Variants in CNNM4 observed in about 807,000 individuals in gnomAD.
CNNM4 encodes the protein cyclin and CBS domain divalent metal cation transport mediator 4.
Under a neutral mutation model 53.7 loss-of-function variants are expected in CNNM4, and 32 were observed. That is an observed-to-expected ratio of 0.60 (90% confidence interval 0.45 to 0.80). The LOEUF (loss-of-function observed/expected upper bound fraction) is 0.80. CNNM4 is among the 30% of genes least tolerant of loss of function. CNNM4 has a pLI of 0.00. For synonymous variants in CNNM4, 410 were observed against 440.0 expected (o/e 0.93, Z 0.85); for missense variants, 784 against 1,022.0 (o/e 0.77, Z 3.17).
chr2:96,786,274 A>G (rs2079015547), intron 1 of CNNM4, among the ~76,000 whole-genome samples: 1 of 151,254 alleles, frequency 6.6e-6, no homozygotes, highest in African/African-American at 2.4e-5. Flanking sequence ...AAAATTAGCC[A>G]GGAATGGTGG....
intron 1 of CNNM4, among the ~76,000 whole-genome samples, chr2:96,771,617 G>A (rs1467833446): frequency 6.6e-6 from 1 of 151,958 alleles, no homozygotes; most frequent in African/African-American, 2.4e-5. Context: ...GGGAGGCTGA[G>A]GCAGGAGAAT....
intron 1 of CNNM4, among the ~76,000 whole-genome samples, chr2:96,786,363 A>G (rs62152777): frequency 0.086 from 13,044 of 151,472 alleles, 627 homozygotes; most frequent in Middle Eastern, 0.16. Context: ...GCAGTGAGCC[A>G]AGATCGTGCT....
intron 1 of CNNM4, among the ~76,000 whole-genome samples, chr2:96,777,590 T>A (rs1260101964): frequency 6.6e-6 from 1 of 152,144 alleles, no homozygotes; most frequent in African/African-American, 2.4e-5. Context: ...AACCTCCACC[T>A]CCTGGGTTCA....
intron 1 of CNNM4, among the ~76,000 whole-genome samples, chr2:96,795,138 C>T (rs1201620124): frequency 6.6e-6 from 1 of 152,256 alleles, no homozygotes; most frequent in Non-Finnish European, 1.5e-5. Context: ...TCAAAGCTGC[C>T]TTGCTTTAAT....
chr2:96,764,679 T>A (rs555788540), intron 1 of CNNM4, among the ~76,000 whole-genome samples: 1 of 152,142 alleles, frequency 6.6e-6, no homozygotes, highest in Non-Finnish European at 1.5e-5. Context: ...ACACACCTAG[T>A]GTACATCTGC....
At position 96,761,584 on chromosome 2, in the gene CNNM4, G is replaced by C; in HGVS notation, c.585G>C (p.Leu195=). ...HILLITVLLV[L]SGIFSGLNLG... ...TCCTAATTACGGTGCTGCTGGTGCT[G>C]TCGGGCATATTTTCTGGCCTCAACC... Residue 195 remains leucine, a synonymous_variant, in exon 1 of 7, where the codon CTG becomes CTC. Transcript: ENST00000377075. The surrounding 1 kb of genome is among the most constrained non-coding windows in gnomAD (Gnocchi z 6.0). 1 of 1,614,170 alleles carries C rather than the reference G, an allele frequency of 6.2e-7. No individual in the cohort carries two copies. Among genetic ancestry groups the C allele is most frequent in the South Asian group, 1.1e-5 (1 of 91,080 alleles).
In CNNM4 at chr2:96,783,449, G is replaced by A. The variant is rs147795380; in HGVS notation, c.1403-13563G>A. Among the ~76,000 whole-genome samples, 414 of 152,296 alleles carry A rather than the reference G, an allele frequency of 2.7e-3. 2 individuals carry two copies. The highest frequency in any genetic ancestry group is 4.4e-3 in the Non-Finnish European group (302 of 68,010). On this transcript the variant is annotated intron_variant, in intron 1 of 6. Transcript: ENST00000377075. The stretch of plus-strand genomic sequence containing the variant: ...AGAGATCCTGCTCCCAGGGACCAGC[G>A]TCTGGGTGGGACACAGTTCACTCCT...
chr2:96,796,992 CTTGCTGCA>C lies in CNNM4; in HGVS notation c.1403-16_1403-9del, dbSNP rs1347471161. Reference sequence around the variant, plus strand: ...GACTGGCCTCTGGGCTCTTGTCTGACTTGCTGCATTGTCCCACAGGGAAGTCCCACCTG... The same window carrying C: ...GACTGGCCTCTGGGCTCTTGTCTGACTTGTCCCACAGGGAAGTCCCACCTG... On this transcript the variant is annotated splice_polypyrimidine_tract_variant and intron_variant, in intron 1 of 6. Transcript: ENST00000377075. 1 of 1,611,872 alleles carries C rather than the reference CTTGCTGCA, an allele frequency of 6.2e-7. No individual in the cohort carries two copies. The highest frequency in any genetic ancestry group is 1.3e-5 in the African/African-American group (1 of 74,842).
chr2:96,796,995 G>C lies in CNNM4; in HGVS notation c.1403-17G>C. ...TGGCCTCTGGGCTCTTGTCTGACTT[G>C]CTGCATTGTCCCACAGGGAAGTCCC... is the stretch of plus-strand genomic sequence containing the variant. On this transcript the variant is annotated splice_polypyrimidine_tract_variant and intron_variant, in intron 1 of 6. Transcript: ENST00000377075. 1 of 1,612,102 alleles carries C rather than the reference G, an allele frequency of 6.2e-7. No individual in the cohort carries two copies. The highest frequency in any genetic ancestry group is 1.1e-5 in the South Asian group (1 of 90,928).
chr2:96,809,604 G>C lies in CNNM4; in HGVS notation c.*87G>C. 1 of 1,157,888 alleles carries C rather than the reference G, an allele frequency of 8.6e-7. No homozygotes were observed. Among genetic ancestry groups the C allele is most frequent in the Non-Finnish European group, 1.3e-6 (1 of 787,772 alleles). 71.7% of individuals were successfully genotyped at this position (1,157,888 alleles called of 1,614,324 possible). A position where few individuals can be genotyped will look rare whatever the true frequency, so the allele number is the denominator to read the frequency against. On this transcript the variant is annotated 3_prime_UTR_variant, in exon 7 of 7. Coordinates refer to ENST00000377075, the MANE Select transcript of CNNM4 (RefSeq NM_020184.4). ...AGAGGGAACCTGTTAGTCCAGAAAG[G>C]ATACGGATAGATAGCCTGTCTGACT...
rs755344155 is a variant in CNNM4 at position 96,761,948 on chromosome 2, A to T, written c.949A>T (p.Ser317Cys). 3.7e-6 allele frequency: 6 copies of T among 1,614,058 alleles called. No homozygotes were observed. The highest frequency in any genetic ancestry group is 5.1e-6 in the Non-Finnish European group (6 of 1,180,014). The change falls in exon 1 of 7, where the codon AGT (serine) becomes TGT (cysteine). Residue 317 changes from serine to cysteine, a missense_variant. Around this residue, in one of 3 missense-constraint regions of CNNM4, gnomAD observed 473 missense variants for 624.6 expected, o/e 0.76. Coordinates refer to ENST00000377075, the MANE Select transcript of CNNM4 (RefSeq NM_020184.4). The surrounding 1 kb of genome is among the most constrained non-coding windows in gnomAD (Gnocchi z 6.0). ...KFFMLLTFPL[S>C]FPISKLLDFF... Reference sequence around the variant, plus strand: ...CTTTATGCTACTCACCTTCCCCCTCAGTTTTCCCATTAGCAAGCTCCTGGA... The same window carrying T: ...CTTTATGCTACTCACCTTCCCCCTCTGTTTTCCCATTAGCAAGCTCCTGGA...
intron 1 of CNNM4, among the ~76,000 whole-genome samples, chr2:96,765,797 C>CTTT (rs749321221): frequency 8.0e-6 from 1 of 125,392 alleles, no homozygotes. Context: ...TTCTTTCTTT[C>CTTT]TTTTTTTTTT....
intron 1 of CNNM4, among the ~76,000 whole-genome samples, chr2:96,764,965 C>T (rs531211769): frequency 8.0e-5 from 10 of 124,416 alleles, no homozygotes; most frequent in South Asian, 5.8e-4. Flanking sequence ...CCAGCTTGGG[C>T]GACTGAGCAA....
At chr2:96,781,706 A>G (rs1389265149) in intron 1 of CNNM4, among the ~76,000 whole-genome samples, 1 of 152,170 alleles carries the variant, frequency 6.6e-6, no homozygotes, top group Non-Finnish European at 1.5e-5. Context: ...GATTTAAGTC[A>G]TTCACCACAG....
chr2:96,786,665 G>T lies in CNNM4; in HGVS notation c.1403-10347G>T, dbSNP rs1261591361. On this transcript the variant is annotated intron_variant, in intron 1 of 6. Coordinates refer to ENST00000377075, the MANE Select transcript of CNNM4 (RefSeq NM_020184.4). The stretch of plus-strand genomic sequence containing the variant: ...GTGGTGGCAGGCACCTGTAATCCCA[G>T]CTATTTGGGAGGCCGAGGCATGAGA... Among the ~76,000 whole-genome samples, 4 of 150,794 alleles carry T rather than the reference G, an allele frequency of 2.7e-5. No homozygotes were observed. In the Middle Eastern group the frequency reaches 0.014, roughly 513 times the overall value.
At chr2:96,769,845 A>G (rs1362763195) in intron 1 of CNNM4, among the ~76,000 whole-genome samples, 2 of 152,202 alleles carry the variant, frequency 1.3e-5, no homozygotes, top group Non-Finnish European at 2.9e-5. Flanking sequence ...TAATAGCCTC[A>G]ATATGGTGAT....
chr2:96,796,482 C>T (rs2079105410), intron 1 of CNNM4, among the ~76,000 whole-genome samples: 1 of 152,114 alleles, frequency 6.6e-6, no homozygotes, highest in South Asian at 2.1e-4. Context: ...GTAGTCCTGG[C>T]CTGGCGTGGT....
rs2079181304 is a variant in CNNM4 at position 96,804,137 on chromosome 2, C to A, written c.1949-4424C>A. On this transcript the variant is annotated intron_variant, in intron 5 of 6. Coordinates refer to ENST00000377075, the MANE Select transcript of CNNM4 (RefSeq NM_020184.4). Reference sequence around the variant, plus strand: ...AGGCTGGTCTCAAACTCCTAGACTTCCCCCACCTCAGCCTCTCAAAGCACT... The same window carrying A: ...AGGCTGGTCTCAAACTCCTAGACTTACCCCACCTCAGCCTCTCAAAGCACT... Among the ~76,000 whole-genome samples the A allele has an allele frequency of 2.6e-5, 4 of 151,854 alleles. No individual in the cohort carries two copies. The South Asian group carries it at 8.3e-4, about 32-fold the overall frequency.
chr2:96,792,485 C>T (rs1464937446), intron 1 of CNNM4, among the ~76,000 whole-genome samples: 1 of 151,864 alleles, frequency 6.6e-6, no homozygotes, highest in Non-Finnish European at 1.5e-5. Context: ...TCTCCTCCTG[C>T]TAAATGGATG....
Sources: gnomAD v4.1 joint callset for allele counts (sites outside exome capture counted in the v4.1 genomes callset) on GRCh38, gnomAD v4.1.1 for gene constraint, gnomAD v4.1.1 regional missense constraint, Gnocchi (gnomAD v3.1) non-coding constraint, MANE v1.5 for transcripts, NCBI Gene and HGNC (gene_info 2026-07-23, HGNC 2026-07-21) for gene names.